SLC60A2: variants seen among roughly 807,000 people sequenced by gnomAD.
The protein encoded by SLC60A2 is solute carrier family 60 member 2.
the SLC60A2 span, chr6:111,278,751 C>T: frequency 6.6e-6 from 1 of 152,208 alleles, no homozygotes; most frequent in Non-Finnish European, 1.5e-5. Context: ...ATTACCTAAT[C>T]TCAGGTCTGT....
chr6:111,263,852 C>T, the SLC60A2 span: 25 of 1,604,258 alleles, frequency 1.6e-5, no homozygotes, highest in East Asian at 2.2e-5. Flanking sequence ...CGGCTACCAC[C>T]GTTGGTCTTT....
the SLC60A2 span, chr6:111,263,774 C>G: frequency 1.1e-6 from 1 of 908,176 alleles, no homozygotes. Flanking sequence ...ATGATATTGA[C>G]TTGATCCATG....
At chr6:111,263,863 A>T in the SLC60A2 span, 1 of 1,610,794 alleles carries the variant, frequency 6.2e-7, no homozygotes, top group East Asian at 2.2e-5. Flanking sequence ...GTTGGTCTTT[A>T]TCTTGTTCCT....
chr6:111,270,969 A>C, the SLC60A2 span: 1 of 152,130 alleles, frequency 6.6e-6, no homozygotes, highest in Non-Finnish European at 1.5e-5. Context: ...AACAGATCTC[A>C]TATAGGAGAA....
At chr6:111,260,212 G>A in the SLC60A2 span, among the ~76,000 whole-genome samples, 1 of 152,136 alleles carries the variant, frequency 6.6e-6, no homozygotes, top group African/African-American at 2.4e-5. Flanking sequence ...CGCCCGGCCC[G>A]GCAAGCCTTC....
the SLC60A2 span, chr6:111,268,312 T>G: frequency 6.6e-6 from 1 of 152,098 alleles, no homozygotes; most frequent in Admixed American, 6.6e-5. Flanking sequence ...ACCCCCATAC[T>G]GTTAACATAT....
the SLC60A2 span, among the ~76,000 whole-genome samples, chr6:111,276,458 A>C: frequency 6.6e-6 from 1 of 152,234 alleles, no homozygotes; most frequent in Non-Finnish European, 1.5e-5. Flanking sequence ...GCGCATTATG[A>C]TCATATCAGT....
chr6:111,265,793 C>A, the SLC60A2 span: 1 of 1,102,822 alleles, frequency 9.1e-7, no homozygotes, highest in South Asian at 1.6e-5. Flanking sequence ...ATAGACTCAC[C>A]CCCTTTCTGA....
chr6:111,266,232 G>A, the SLC60A2 span: 1 of 1,614,088 alleles, frequency 6.2e-7, no homozygotes, highest in Non-Finnish European at 8.5e-7. Context: ...ATTTCGAAGA[G>A]CAAAATATCA....
the SLC60A2 span, among the ~76,000 whole-genome samples, chr6:111,260,679 G>C: frequency 2.0e-5 from 3 of 152,204 alleles, 1 homozygote; most frequent in African/African-American, 7.2e-5. Flanking sequence ...GTCATGTGTG[G>C]TCACTTACCA....
chr6:111,260,742 G>C, the SLC60A2 span, among the ~76,000 whole-genome samples: 2 of 152,180 alleles, frequency 1.3e-5, no homozygotes, highest in South Asian at 4.1e-4. Context: ...ATTGGGGGCG[G>C]TGGGGAGGGG....
the SLC60A2 span, among the ~76,000 whole-genome samples, chr6:111,278,946 C>A: frequency 5.3e-5 from 8 of 152,222 alleles, no homozygotes; most frequent in African/African-American, 1.9e-4. Flanking sequence ...AGTGATTAAC[C>A]TTTGCTCCAG....
chr6:111,263,484 T>C, the SLC60A2 span, among the ~76,000 whole-genome samples: 1 of 151,736 alleles, frequency 6.6e-6, no homozygotes, highest in Non-Finnish European at 1.5e-5. Flanking sequence ...GTCTATTTAA[T>C]TTTTTGCCTC....
the SLC60A2 span, among the ~76,000 whole-genome samples, chr6:111,261,935 A>G: frequency 1.3e-5 from 2 of 152,194 alleles, no homozygotes; most frequent in Admixed American, 1.3e-4. Flanking sequence ...TGCATGTAAT[A>G]TATTTCAAAA....
At chr6:111,260,857 C>T in the SLC60A2 span, among the ~76,000 whole-genome samples, 1 of 152,238 alleles carries the variant, frequency 6.6e-6, no homozygotes. Context: ...ATTCTGTGCT[C>T]AGGCTTCTCT....
chr6:111,277,002 A>G, the SLC60A2 span, among the ~76,000 whole-genome samples: 1 of 152,110 alleles, frequency 6.6e-6, no homozygotes, highest in Admixed American at 6.5e-5. Flanking sequence ...CATTGCCCTT[A>G]TTGGGCCTTG....
the SLC60A2 span, chr6:111,270,523 A>C: frequency 6.6e-6 from 1 of 151,984 alleles, no homozygotes; most frequent in South Asian, 2.1e-4. Flanking sequence ...GTCTCTAAAA[A>C]ATTTTTAAAA....
the SLC60A2 span, chr6:111,266,702 C>A: frequency 6.2e-7 from 1 of 1,613,924 alleles, no homozygotes; most frequent in Non-Finnish European, 8.5e-7. Flanking sequence ...AAGGAAAATA[C>A]CCTGATTTGC....
At chr6:111,259,725 C>CT in the SLC60A2 span, 9 of 1,591,406 alleles carry the variant, frequency 5.7e-6, no homozygotes, top group Non-Finnish European at 7.7e-6. Flanking sequence ...CTTCCTGGGG[C>CT]TGGTGAGAGC....
Sources: gnomAD v4.1 joint callset for allele counts (sites outside exome capture counted in the v4.1 genomes callset) on GRCh38, gnomAD v4.1.1 for gene constraint, MANE v1.5 for transcripts, NCBI Gene and HGNC (gene_info 2026-07-23, HGNC 2026-07-21) for gene names.